ZNF148: variants seen among roughly 807,000 people sequenced by gnomAD.
ZNF148 encodes the protein Beta-Enolase Repressor Factor-1.
ZNF148 carries 7 observed loss-of-function variants against 67.7 expected under a neutral mutation model. That is an observed-to-expected ratio of 0.10 (90% CI 0.06 to 0.19). The LOEUF (loss-of-function observed/expected upper bound fraction) is 0.19. Among genes scored for constraint, ZNF148 ranks in the 10% least tolerant of loss-of-function variants. The pLI is 1.00. For synonymous variants in ZNF148, 333 were observed against 330.7 expected (o/e 1.01, Z -0.08); for missense variants, 583 against 947.1 (o/e 0.62, Z 5.05).
rs746630039 is a variant in ZNF148, at chr3:125,234,200, A to C, written c.786+11T>G. On this transcript the variant is annotated intron_variant, in intron 8 of 8. Transcript: ENST00000360647. ...AATTACAGTAGAAGAATTTCAAGCC[A>C]TCTCTCTTACCTGTAAACAGTATTC... 6 of 1,536,812 alleles carry C rather than the reference A, an allele frequency of 3.9e-6. No homozygotes were observed. Among genetic ancestry groups the C allele is most frequent in the Non-Finnish European group, 5.4e-6 (6 of 1,118,504 alleles).
At chr3:125,269,457 A>AAC (rs1464418862) in intron 7 of ZNF148, among the ~76,000 whole-genome samples, 1 of 151,988 alleles carries the variant, frequency 6.6e-6, no homozygotes, top group Non-Finnish European at 1.5e-5. Context: ...TCAAAAAAAA[A>AAC]AAAACATGTT....
chr3:125,302,082 A>G (rs1331876973), intron 4 of ZNF148, among the ~76,000 whole-genome samples: 1 of 150,996 alleles, frequency 6.6e-6, no homozygotes, highest in Non-Finnish European at 1.5e-5. Flanking sequence ...TAAATAAATA[A>G]AAGTACATTC....
intron 7 of ZNF148, among the ~76,000 whole-genome samples, chr3:125,259,579 A>G (rs1471066009): frequency 6.6e-6 from 1 of 152,252 alleles, no homozygotes; most frequent in East Asian, 1.9e-4. Context: ...TAAAACATGT[A>G]AAAGTTATGT....
chr3:125,342,289 T>C (rs904722844), intron 1 of ZNF148, among the ~76,000 whole-genome samples: 2 of 150,740 alleles, frequency 1.3e-5, no homozygotes, highest in African/African-American at 4.9e-5. Context: ...ACAAAGAGGA[T>C]AAGCCTAACG....
At chr3:125,271,896 G>A (rs1037427011) in intron 7 of ZNF148, among the ~76,000 whole-genome samples, 1 of 152,162 alleles carries the variant, frequency 6.6e-6, no homozygotes, top group Non-Finnish European at 1.5e-5. Flanking sequence ...CTGTCTGGGT[G>A]TTTGCCGGTC....
intron 1 of ZNF148, among the ~76,000 whole-genome samples, chr3:125,347,733 G>A (rs1941999480): frequency 6.6e-6 from 1 of 151,814 alleles, no homozygotes; most frequent in Non-Finnish European, 1.5e-5. Flanking sequence ...GTCTCATTAT[G>A]TTGCCCAGGC....
chr3:125,344,624 T>G, intron 1 of ZNF148: 2 of 737,356 alleles, frequency 2.7e-6, no homozygotes, highest in South Asian at 2.7e-5. Context: ...GTACCATCTT[T>G]TAGCATCTTA....
At chr3:125,342,437 C>T (rs1941768868) in intron 1 of ZNF148, among the ~76,000 whole-genome samples, 1 of 151,656 alleles carries the variant, frequency 6.6e-6, no homozygotes. Context: ...CACCAGATTT[C>T]TCATCTCAAA....
intron 2 of ZNF148, among the ~76,000 whole-genome samples, chr3:125,324,885 G>C (rs893666253): frequency 1.3e-5 from 2 of 152,004 alleles, no homozygotes; most frequent in Admixed American, 6.6e-5. Context: ...CTGCATTTCA[G>C]AATTTTCCTG....
In ZNF148 at chr3:125,370,692, C is replaced by A. The variant is rs1291482748; in HGVS notation, c.-234+4410G>T. On this transcript the variant is annotated intron_variant, in intron 1 of 8. Transcript: ENST00000360647. ...TCCCAACATCCACCATAGTGATTTG[C>A]ACCTCATACACAAATTTCAAAAACA... Among the ~76,000 whole-genome samples, 4 of 152,148 alleles carry A rather than the reference C, an allele frequency of 2.6e-5. No homozygotes were observed. In the East Asian group the frequency reaches 7.7e-4, roughly 29 times the overall value.
intron 1 of ZNF148, among the ~76,000 whole-genome samples, chr3:125,350,048 T>C (rs1942081435): frequency 6.6e-6 from 1 of 152,132 alleles, no homozygotes; most frequent in South Asian, 2.1e-4. Flanking sequence ...AAATGGTGCA[T>C]AATATTTTTT....
At chr3:125,359,827 C>A (rs1942480190) in intron 1 of ZNF148, among the ~76,000 whole-genome samples, 1 of 152,264 alleles carries the variant, frequency 6.6e-6, no homozygotes. Flanking sequence ...CGAGCGCCCA[C>A]CTGCCTGCCC....
At chr3:125,235,107 T>C (rs1242884986) in intron 7 of ZNF148, among the ~76,000 whole-genome samples, 1 of 152,170 alleles carries the variant, frequency 6.6e-6, no homozygotes, top group Non-Finnish European at 1.5e-5. Context: ...AACAGAAGGG[T>C]ATGACAAGAA....
chr3:125,304,013 T>C (rs1189814917), intron 4 of ZNF148, among the ~76,000 whole-genome samples: 1 of 152,050 alleles, frequency 6.6e-6, no homozygotes, highest in African/African-American at 2.4e-5. Flanking sequence ...TCCATAAATC[T>C]ATATAATTTT....
At chr3:125,330,337 T>G (rs1941231779) in intron 2 of ZNF148, among the ~76,000 whole-genome samples, 1 of 151,048 alleles carries the variant, frequency 6.6e-6, no homozygotes. Flanking sequence ...TGGTGGCATG[T>G]GCCTGTGGTC....
At chr3:125,316,202 A>G (rs1405938493) in intron 3 of ZNF148, among the ~76,000 whole-genome samples, 1 of 152,192 alleles carries the variant, frequency 6.6e-6, no homozygotes, top group East Asian at 1.9e-4. Context: ...ATGGCTGAAT[A>G]CTACTCCATT....
chr3:125,299,246 T>G (rs1939457360), intron 4 of ZNF148, among the ~76,000 whole-genome samples: 1 of 152,254 alleles, frequency 6.6e-6, no homozygotes, highest in Admixed American at 6.5e-5. Context: ...CCAGTTGGTG[T>G]ACTACTAGTT....
intron 7 of ZNF148, among the ~76,000 whole-genome samples, chr3:125,245,155 T>G (rs182330889): frequency 6.6e-6 from 1 of 152,268 alleles, no homozygotes; most frequent in African/African-American, 2.4e-5. Context: ...TATCCCACAA[T>G]AAACTTAGGG....
chr3:125,229,404 C>T lies in ZNF148; in HGVS notation c.*2937G>A, dbSNP rs1935762394. On this transcript the variant is annotated 3_prime_UTR_variant, in exon 9 of 9. Coordinates refer to ENST00000360647, the MANE Select transcript of ZNF148 (RefSeq NM_021964.3). ...CCTGACCGATGGCTGGCACCCTCAG[C>T]CAGAGCTAAGAAGATGGATTCCTAC... The T allele has an allele frequency of 6.6e-6, 1 of 152,050 alleles. No individual in the cohort carries two copies. The highest frequency in any genetic ancestry group is 2.1e-4 in the South Asian group (1 of 4,820). 9.4% of individuals were successfully genotyped at this position (152,050 alleles called of 1,614,324 possible).
Sources: allele counts gnomAD v4.1 joint callset (sites outside exome capture counted in the v4.1 genomes callset), GRCh38; gene constraint gnomAD v4.1.1; transcripts MANE v1.5; gene names NCBI Gene and HGNC (gene_info 2026-07-23, HGNC 2026-07-21).